The following MCPH1 variants were observed in gnomAD, a reference collection of about 807,000 sequenced individuals.
MCPH1 encodes the protein microcephalin 1, also known as microcephalin.
MCPH1 carries 104 observed loss-of-function variants against 84.5 expected under a neutral mutation model. The ratio of observed to expected loss-of-function variants is 1.23; its 90% CI spans 1.05 to 1.45. The LOEUF (loss-of-function observed/expected upper bound fraction) is 1.45, where lower values mean the gene tolerates loss of function less well. Among genes scored for constraint, MCPH1 ranks in the 40% most tolerant of loss-of-function variants. MCPH1 has a pLI of 0.00. For synonymous variants in MCPH1, 514 were observed against 366.8 expected, an observed-to-expected ratio of 1.40 and a Z score of -4.58; for missense variants, 1,498 against 1,005.7, an observed-to-expected ratio of 1.49 and a Z score of -6.62.
At chr8:6,550,049 C>T (rs1421464073) in intron 12 of MCPH1, among the ~76,000 whole-genome samples, 1 of 152,230 alleles carries the variant, frequency 6.6e-6, no homozygotes, top group Non-Finnish European at 1.5e-5. Flanking sequence ...GATGTGCCTG[C>T]TGTCAGCACT....
intron 9 of MCPH1, 115 bp from the exon 10 acceptor site, chr8:6,477,479 T>A: frequency 1.1e-6 from 1 of 917,112 alleles, no homozygotes. Flanking sequence ...TATGCTTAAA[T>A]GTTTATTTTT....
At chr8:6,483,476 C>G (rs1431152278) in intron 11 of MCPH1, among the ~76,000 whole-genome samples, 1 of 152,200 alleles carries the variant, frequency 6.6e-6, no homozygotes, top group Non-Finnish European at 1.5e-5. Flanking sequence ...ACACACAGAA[C>G]AGACAGAGAA....
At chr8:6,503,591 G>T (rs1471952876) in intron 12 of MCPH1, among the ~76,000 whole-genome samples, 1 of 152,170 alleles carries the variant, frequency 6.6e-6, no homozygotes, top group Non-Finnish European at 1.5e-5. Flanking sequence ...AACATCTGAG[G>T]CACAGTTGGA....
chr8:6,470,919 G>A (rs543073291), intron 9 of MCPH1, among the ~76,000 whole-genome samples: 1 of 152,266 alleles, frequency 6.6e-6, no homozygotes, highest in Non-Finnish European at 1.5e-5. Context: ...CTACCATCCA[G>A]TTAGCAATTA....
chr8:6,544,321 A>G (rs1822145472), intron 12 of MCPH1, among the ~76,000 whole-genome samples: 1 of 152,238 alleles, frequency 6.6e-6, no homozygotes, highest in Admixed American at 6.5e-5. Flanking sequence ...CTAAAAGCAC[A>G]TGCACTGTGT....
At chr8:6,614,211 T>C (rs571425185) in intron 12 of MCPH1, among the ~76,000 whole-genome samples, 1 of 152,302 alleles carries the variant, frequency 6.6e-6, no homozygotes, top group East Asian at 1.9e-4. Context: ...CACTAGGATA[T>C]GGTTTTGGAG....
In MCPH1 at chr8:6,503,379, C is replaced by T. The variant is rs1053969379; in HGVS notation, c.2214+3450C>T. The T allele has an allele frequency of 3.5e-4, 345 of 993,544 alleles. 2 individuals are homozygous for T. Among genetic ancestry groups the T allele is most frequent in the Non-Finnish European group, 5.5e-5 (36 of 653,080 alleles). 61.5% of individuals were successfully genotyped at this position (993,544 alleles called of 1,614,324 possible). A position where few individuals can be genotyped will look rare whatever the true frequency, so the allele number is the denominator to read the frequency against. ...TGCAGGCGTGTGGAGTAGGCACATG[C>T]AGATGATGGTGAGTATAGGATGTGC... On this transcript the variant is annotated intron_variant, in intron 12 of 13. Transcript: ENST00000344683.
At chr8:6,592,641 T>TTTTTTG (rs1238168977) in intron 12 of MCPH1, among the ~76,000 whole-genome samples, 93 of 107,392 alleles carry the variant, frequency 8.7e-4, no homozygotes, top group East Asian at 2.7e-3. Flanking sequence ...TTTTTTTTTT[T>TTTTTTG]TTGTTGCTGT....
intron 1 of MCPH1, among the ~76,000 whole-genome samples, chr8:6,408,127 C>T (rs1010809317): frequency 6.6e-6 from 1 of 151,562 alleles, no homozygotes; most frequent in Non-Finnish European, 1.5e-5. Context: ...TTGGGGAAAG[C>T]AACTAATTTT....
At chr8:6,438,766 C>T (rs1803043578) in intron 5 of MCPH1, among the ~76,000 whole-genome samples, 187 bp from the exon 6 acceptor site, 1 of 152,144 alleles carries the variant, frequency 6.6e-6, no homozygotes. Context: ...AGATGTGAGC[C>T]AGCAGCTGTA....
At chr8:6,483,752 C>G (rs1223660030) in intron 11 of MCPH1, among the ~76,000 whole-genome samples, 1 of 152,096 alleles carries the variant, frequency 6.6e-6, no homozygotes, top group Non-Finnish European at 1.5e-5. Context: ...CCCAGCTACT[C>G]AGGAGGCTGA....
chr8:6,424,833 G>C (rs1331210260), intron 3 of MCPH1, among the ~76,000 whole-genome samples: 1 of 152,226 alleles, frequency 6.6e-6, no homozygotes, highest in African/African-American at 2.4e-5. Context: ...AGTCTCCTGT[G>C]TTCTTCCTTG....
rs556334001 is a variant in MCPH1 at position 6,595,637 on chromosome 8, G to A, written c.2215-25817G>A. 2.6e-5 allele frequency among the ~76,000 whole-genome samples: 4 copies of A among 152,032 alleles called. No individual in the cohort carries two copies. The East Asian group carries it at 5.8e-4, about 22-fold the overall frequency. On this transcript the variant is annotated intron_variant, in intron 12 of 13. Coordinates refer to ENST00000344683, the MANE Select transcript of MCPH1 (RefSeq NM_024596.5). ...GGTCCAACACGGTCTTCAGAGCATC[G>A]TTCCAGCTGCTGCAGGTTTGAGTGA...
chr8:6,539,610 G>A (rs1821160022), intron 12 of MCPH1, among the ~76,000 whole-genome samples: 1 of 151,770 alleles, frequency 6.6e-6, no homozygotes, highest in Non-Finnish European at 1.5e-5. Flanking sequence ...TTTTTGAGAT[G>A]GAGTCTCGCT....
chr8:6,593,545 C>T (rs770076359), intron 12 of MCPH1, among the ~76,000 whole-genome samples: 8 of 151,346 alleles, frequency 5.3e-5, no homozygotes, highest in Non-Finnish European at 1.2e-4. Context: ...ATAAAGATAG[C>T]ATTTAATTAT....
chr8:6,464,257 G>A (rs1260240104), intron 9 of MCPH1, among the ~76,000 whole-genome samples: 1 of 152,196 alleles, frequency 6.6e-6, no homozygotes, highest in Non-Finnish European at 1.5e-5. Context: ...ACCCAGAGCT[G>A]GCAGTGGCGG....
At chr8:6,496,762 AGT>A (rs1159644926) in intron 11 of MCPH1, among the ~76,000 whole-genome samples, 1 of 152,198 alleles carries the variant, frequency 6.6e-6, no homozygotes, top group Non-Finnish European at 1.5e-5. Context: ...AATGCTTTCC[AGT>A]GAGTTAAACC....
At chr8:6,593,724 A>G (rs1196115402) in intron 12 of MCPH1, among the ~76,000 whole-genome samples, 1 of 152,096 alleles carries the variant, frequency 6.6e-6, no homozygotes, top group Non-Finnish European at 1.5e-5. Flanking sequence ...TTATAAATAG[A>G]GCTTTGAAGA....
chr8:6,468,550 T>G (rs991492906), intron 9 of MCPH1, among the ~76,000 whole-genome samples: 3 of 152,160 alleles, frequency 2.0e-5, no homozygotes, highest in Admixed American at 1.3e-4. Flanking sequence ...ATACCGAGTT[T>G]GCTAGATGAA....
Sources: allele counts gnomAD v4.1 joint callset (sites outside exome capture counted in the v4.1 genomes callset), GRCh38; gene constraint gnomAD v4.1.1; transcripts MANE v1.5; gene names NCBI Gene and HGNC (gene_info 2026-07-23, HGNC 2026-07-21).